Variants in PAXBP1 observed in about 807,000 individuals in gnomAD.
PAXBP1 encodes the protein PAX3- and PAX7-binding protein 1.
Under a neutral mutation model 119.9 loss-of-function variants are expected in PAXBP1, and 44 were observed. The ratio of observed to expected loss-of-function variants is 0.37; its 90% CI spans 0.29 to 0.47. The LOEUF (loss-of-function observed/expected upper bound fraction) is 0.47. Among genes scored for constraint, PAXBP1 ranks in the 20% least tolerant of loss-of-function variants. The pLI is 0.99. For missense variants in PAXBP1, 898 were observed against 1,134.1 expected (o/e 0.79, Z 2.99); for synonymous variants, 393 against 406.6 (o/e 0.97, Z 0.40).
At chr21:32,761,256 C>A (rs755881187) in intron 4 of PAXBP1, 94 bp from the exon 5 acceptor site, 1 of 887,658 alleles carries the variant, frequency 1.1e-6, no homozygotes, top group Admixed American at 2.0e-5. Flanking sequence ...CTGAGCAAAA[C>A]TATTAACTCA....
chr21:32,747,947 A>ATTTT (rs757138549), intron 11 of PAXBP1, among the ~76,000 whole-genome samples: 3 of 140,278 alleles, frequency 2.1e-5, no homozygotes, highest in Admixed American at 7.2e-5. Flanking sequence ...ACCACAGCTA[A>ATTTT]TTTTTTTTTT....
intron 2 of PAXBP1, 101 bp from the exon 3 acceptor site, chr21:32,764,625 A>G (rs1044553271): frequency 4.5e-6 from 4 of 886,016 alleles, no homozygotes; most frequent in Admixed American, 6.4e-5. Flanking sequence ...TTTAATTAAA[A>G]AAAGGGGAAC....
At chr21:32,746,845 T>A (rs1044352949) in intron 11 of PAXBP1, among the ~76,000 whole-genome samples, 1 of 152,106 alleles carries the variant, frequency 6.6e-6, no homozygotes, top group African/African-American at 2.4e-5. Flanking sequence ...CAAATGCCCA[T>A]CAATTATAGA....
chr21:32,761,039 G>T lies in PAXBP1; in HGVS notation c.975+20C>A. 6.4e-7 allele frequency: 1 copy of T among 1,566,656 alleles called. No homozygotes were observed. Among genetic ancestry groups the T allele is most frequent in the Non-Finnish European group, 8.6e-7 (1 of 1,156,762 alleles). On this transcript the variant is annotated intron_variant, in intron 5 of 17. Coordinates refer to ENST00000331923, the MANE Select transcript of PAXBP1 (RefSeq NM_016631.4). ...CTTTTTAATCTACTTTTAATTTTTA[G>T]TTTAATTCTTTTGTCGTACCTGAGG...
rs1283602372 is a variant in PAXBP1, at chr21:32,769,830, G to A, written c.456C>T (p.Leu152=). 6.2e-7 allele frequency: 1 copy of A among 1,601,624 alleles called. No individual in the cohort carries two copies. The highest frequency in any genetic ancestry group is 1.1e-5 in the South Asian group (1 of 87,454). The change falls in exon 2 of 18, where the codon CTC becomes CTT. Residue 152 remains leucine, a synonymous_variant. Coordinates refer to ENST00000331923, the MANE Select transcript of PAXBP1 (RefSeq NM_016631.4). ...DLEKSKIKTE[L]NSSAESEQPL... The stretch of plus-strand genomic sequence containing the variant: ...GGTACTTACTTTCAGCTGATGAGTT[G>A]AGTTCTGTCTTAATCTTCGATTTTT...
At chr21:32,763,638 T>C (rs1256909916) in intron 3 of PAXBP1, among the ~76,000 whole-genome samples, 6 of 152,198 alleles carry the variant, frequency 3.9e-5, no homozygotes, top group African/African-American at 1.2e-4. Context: ...AGCCAGTGGA[T>C]AGACCTGCAA....
At chr21:32,741,282 G>A (rs1273474252) in intron 15 of PAXBP1, 1 of 347,372 alleles carries the variant, frequency 2.9e-6, no homozygotes, top group Admixed American at 4.3e-5. Context: ...CGGGGCCAAG[G>A]GAAGGCTTCC....
chr21:32,747,004 A>G (rs996530866), intron 11 of PAXBP1, among the ~76,000 whole-genome samples: 1 of 142,744 alleles, frequency 7.0e-6, no homozygotes, highest in Non-Finnish European at 1.5e-5. Flanking sequence ...CAAGCACCAC[A>G]TGTTCTCGCA....
rs187154233 is a variant in PAXBP1, at chr21:32,744,772, T to C, written c.2190+20A>G. On this transcript the variant is annotated intron_variant, in intron 13 of 17. Transcript: ENST00000331923. Reference sequence around the variant, plus strand: ...CAGAAAGAGGAAAAAAAAAAAAGGCTTCAAAAGATACTAAATTACCTGTGT... The same window carrying C: ...CAGAAAGAGGAAAAAAAAAAAAGGCCTCAAAAGATACTAAATTACCTGTGT... 135 of 1,546,824 alleles carry C rather than the reference T, an allele frequency of 8.7e-5. No homozygotes were observed. The African/African-American group carries it at 1.3e-3, about 15-fold the overall frequency.
chr21:32,762,048 CA>C (rs1251631802), intron 4 of PAXBP1, 47 bp downstream of exon 4: 2 of 1,600,210 alleles, frequency 1.2e-6, no homozygotes, highest in Non-Finnish European at 1.7e-6. Flanking sequence ...TTAAAACAAA[CA>C]AAAAAAGGCA....
At chr21:32,735,264 C>T (rs577187439) in intron 17 of PAXBP1, among the ~76,000 whole-genome samples, 197 bp from the exon 18 acceptor site, 1 of 151,490 alleles carries the variant, frequency 6.6e-6, no homozygotes, top group East Asian at 1.9e-4. Context: ...ACAAAACTTA[C>T]ATATGTTTAA....
chr21:32,753,960 TTCTGTCTGGA>T (rs1192487222), intron 8 of PAXBP1, among the ~76,000 whole-genome samples: 1 of 152,156 alleles, frequency 6.6e-6, no homozygotes, highest in Non-Finnish European at 1.5e-5. Flanking sequence ...AGAAATCTGG[TTCTGTCTGGA>T]TCAAAAGTGA....
chr21:32,760,440 C>T (rs1349571595), intron 5 of PAXBP1, among the ~76,000 whole-genome samples: 5 of 152,102 alleles, frequency 3.3e-5, no homozygotes, highest in African/African-American at 9.7e-5. Flanking sequence ...AATAGGTTTA[C>T]GTTTATGCAA....
intron 15 of PAXBP1, among the ~76,000 whole-genome samples, chr21:32,740,071 T>G (rs2089135872): frequency 6.6e-6 from 1 of 151,984 alleles, no homozygotes; most frequent in Non-Finnish European, 1.5e-5. Context: ...GGGAAATATC[T>G]TGGGCCTCTT....
chr21:32,743,167 T>C lies in PAXBP1; in HGVS notation c.2334+81A>G, dbSNP rs2043814406. On this transcript the variant is annotated intron_variant, in intron 15 of 17. Coordinates refer to ENST00000331923, the MANE Select transcript of PAXBP1 (RefSeq NM_016631.4). ...AATAGATCTAAGCCTATGGAGTTAA[T>C]AAAAAACAAAACACTCTAAAAAATG... The C allele has an allele frequency of 3.7e-6, 4 of 1,066,758 alleles. No individual in the cohort carries two copies. In the Admixed American group the frequency reaches 8.8e-5, roughly 23 times the overall value. The allele number at this position is 1,066,758 out of a possible 1,614,324, so 66.1% of individuals were successfully genotyped here.
intron 7 of PAXBP1, among the ~76,000 whole-genome samples, chr21:32,757,416 C>G (rs2044061352): frequency 6.6e-6 from 1 of 152,126 alleles, no homozygotes; most frequent in South Asian, 2.1e-4. Flanking sequence ...GTCTACCTCT[C>G]TTTTAATTAA....
chr21:32,748,850 A>G, intron 10 of PAXBP1, 152 bp from the exon 11 acceptor site: 1 of 662,238 alleles, frequency 1.5e-6, no homozygotes, highest in East Asian at 2.9e-5. Context: ...TAGAAGAAAA[A>G]AATAAATTGA....
At chr21:32,753,339 T>C (rs544405456) in intron 8 of PAXBP1, among the ~76,000 whole-genome samples, 54 of 150,704 alleles carry the variant, frequency 3.6e-4, no homozygotes, top group African/African-American at 1.3e-3. Flanking sequence ...GGCAGGAGAA[T>C]TGCTTGAACC....
chr21:32,764,282 C>A (rs970901772), intron 3 of PAXBP1, 66 bp downstream of exon 3: 29 of 1,466,612 alleles, frequency 2.0e-5, no homozygotes, highest in South Asian at 1.3e-4. Context: ...TCTTAATAAT[C>A]ATCTTTAAAG....
Sources: gnomAD v4.1 joint callset for allele counts (sites outside exome capture counted in the v4.1 genomes callset) on GRCh38, gnomAD v4.1.1 for gene constraint, MANE v1.5 for transcripts, NCBI Gene and HGNC (gene_info 2026-07-23, HGNC 2026-07-21) for gene names.